Variants in AGFG1 observed in about 807,000 individuals in gnomAD.
The protein encoded by AGFG1 is ArfGAP with FG repeats 1, also known as arf-GAP domain and FG repeat-containing protein 1.
Under a neutral mutation model 60.6 loss-of-function variants are expected in AGFG1, and 10 were observed. That is an observed-to-expected ratio of 0.16 (90% CI 0.10 to 0.28). AGFG1 has a LOEUF of 0.28. Ranked by LOEUF, AGFG1 falls within the 10% of genes least tolerant of loss-of-function variation. The probability of loss-of-function intolerance (pLI) is 1.00; values close to 1 mark genes in which losing one functional copy is unlikely to be tolerated. For synonymous variants in AGFG1, 247 were observed against 242.9 expected (o/e 1.02, Z -0.16); for missense variants, 537 against 676.5 (o/e 0.79, Z 2.29).
At chr2:227,526,539 CT>C (rs777649930) in intron 5 of AGFG1, among the ~76,000 whole-genome samples, 12,521 of 92,330 alleles carry the variant, frequency 0.14, 465 homozygotes, top group East Asian at 0.18. Context: ...TGCCCAGCCT[CT>C]TTTTTTTTTT....
intron 5 of AGFG1, among the ~76,000 whole-genome samples, chr2:227,526,352 C>A (rs960238934): frequency 6.6e-6 from 1 of 151,962 alleles, no homozygotes; most frequent in Non-Finnish European, 1.5e-5. Flanking sequence ...TGCCACAGCA[C>A]CCGAAATTAT....
At chr2:227,553,346 A>C (rs1692878350) in intron 11 of AGFG1, among the ~76,000 whole-genome samples, 1 of 152,148 alleles carries the variant, frequency 6.6e-6, no homozygotes, top group Non-Finnish European at 1.5e-5. Context: ...AAATACAAAA[A>C]TTAGCTGGGC....
chr2:227,534,991 A>G lies in AGFG1; in HGVS notation c.1171A>G (p.Ser391Gly), dbSNP rs1273863250. 1.2e-6 allele frequency: 2 copies of G among 1,613,648 alleles called. No individual in the cohort carries two copies. Among genetic ancestry groups the G allele is most frequent in the African/African-American group, 1.3e-5 (1 of 74,920 alleles). ...CGTTTTCAGTTCTGCAGCCACCTCC[A>G]GTAATGCGTATACTTCCACAAGTAA... ...DSVFSSAATSSNAYTSTSNAS... is the reference protein window; with the variant it reads ...DSVFSSAATSGNAYTSTSNAS... The change falls in exon 8 of 13, where the codon AGT (serine) becomes GGT (glycine). Residue 391 changes from serine to glycine, a missense_variant. By Grantham distance (56) the Ser-to-Gly change is moderately conservative. Transcript: ENST00000310078.
rs1575120341 is a variant in AGFG1 at position 227,551,952 on chromosome 2, C to T, written c.1379-7C>T. ...TATGTAACTGATCAGCCCTTCTCTT[C>T]TGTCAGCGGCAACCTTTGGCACTGC... On this transcript the variant is annotated splice_polypyrimidine_tract_variant and splice_region_variant and intron_variant, in intron 10 of 12. Transcript: ENST00000310078. The T allele has an allele frequency of 6.2e-7, 1 of 1,613,490 alleles. No individual in the cohort carries two copies. The highest frequency in any genetic ancestry group is 2.2e-5 in the East Asian group (1 of 44,852).
chr2:227,537,896 C>G (rs1465464141), intron 10 of AGFG1, among the ~76,000 whole-genome samples: 5 of 152,100 alleles, frequency 3.3e-5, no homozygotes, highest in African/African-American at 1.2e-4. Context: ...ATCTCTTTGT[C>G]ATTGACAAGA....
At position 227,524,824 on chromosome 2, in the gene AGFG1, T is replaced by A; in HGVS notation, c.603T>A (p.Ser201Arg). 2 of 1,614,198 alleles carry A rather than the reference T, an allele frequency of 1.2e-6. No individual in the cohort carries two copies. Among genetic ancestry groups the A allele is most frequent in the Non-Finnish European group, 1.7e-6 (2 of 1,180,020 alleles). The stretch of plus-strand genomic sequence containing the variant: ...AGAAGAAGCAATTTGACCTTTTAAG[T>A]GATCTCGGCTCAGACATCTTTGCTG... The part of the protein sequence containing the change: ...QQEKKQFDLL[S>R]DLGSDIFAAP... Residue 201 changes from serine (S) to arginine (R), a missense_variant, in exon 5 of 13, where the codon AGT (serine) becomes AGA (arginine). Coordinates refer to ENST00000310078, the MANE Select transcript of AGFG1 (RefSeq NM_004504.5).
At position 227,555,669 on chromosome 2, in the gene AGFG1, A is replaced by G. The variant is rs1034644902; in HGVS notation, c.*1174A>G. ...GTTACGGAATACTTTGTTTTAAAGGAAAAGATAATAAGTTTAGTTATATCT... is the reference window on the plus strand; with the variant it reads ...GTTACGGAATACTTTGTTTTAAAGGGAAAGATAATAAGTTTAGTTATATCT... On this transcript the variant is annotated 3_prime_UTR_variant, in exon 13 of 13. Transcript: ENST00000310078. 6.6e-6 allele frequency: 1 copy of G among 152,588 alleles called. No individual in the cohort carries two copies. Among genetic ancestry groups the G allele is most frequent in the Non-Finnish European group, 1.5e-5 (1 of 68,012 alleles). The allele number at this position is 152,588 out of a possible 1,614,324, so 9.5% of individuals were successfully genotyped here.
At chr2:227,523,736 T>TA in intron 3 of AGFG1, 27 bp from the exon 4 acceptor site, 4 of 1,583,494 alleles carry the variant, frequency 2.5e-6, no homozygotes, top group Non-Finnish European at 3.4e-6. Context: ...CATTTTTTTT[T>TA]AGTTAACTGT....
At chr2:227,521,604 G>A (rs1233325883) in intron 3 of AGFG1, among the ~76,000 whole-genome samples, 1 of 152,184 alleles carries the variant, frequency 6.6e-6, no homozygotes, top group African/African-American at 2.4e-5. Context: ...ATTCTACCCT[G>A]TAGGAAAGAC....
At chr2:227,532,605 G>A (rs1692195349) in intron 6 of AGFG1, among the ~76,000 whole-genome samples, 1 of 151,902 alleles carries the variant, frequency 6.6e-6, no homozygotes, top group Non-Finnish European at 1.5e-5. Flanking sequence ...TTGATAGAAA[G>A]TGTTCGTGTT....
At chr2:227,524,698 A>G in intron 4 of AGFG1, 64 bp from the exon 5 acceptor site, 1 of 1,542,030 alleles carries the variant, frequency 6.5e-7, no homozygotes. Context: ...GTTTGCAGAT[A>G]GTTTTGTATA....
intron 2 of AGFG1, among the ~76,000 whole-genome samples, chr2:227,499,020 T>TA (rs1691066606): frequency 6.6e-6 from 1 of 150,744 alleles, no homozygotes; most frequent in Non-Finnish European, 1.5e-5. Context: ...GACAAGTAGA[T>TA]AATGTAACAA....
rs190623986 is a variant in AGFG1 at position 227,521,512 on chromosome 2, A to G, written c.377+1449A>G. ...AAATACTAGAAGGTGGGTTGGTAGT[A>G]AAAATATGGTAGCATAAATGATTCT... On this transcript the variant is annotated intron_variant, in intron 3 of 12. Transcript: ENST00000310078. 2.6e-4 allele frequency among the ~76,000 whole-genome samples: 40 copies of G among 152,388 alleles called. 1 individual carries two copies. The highest frequency in any genetic ancestry group is 1.7e-3 in the Admixed American group (26 of 15,308).
chr2:227,500,671 A>G (rs1691125471), intron 2 of AGFG1, among the ~76,000 whole-genome samples: 1 of 152,238 alleles, frequency 6.6e-6, no homozygotes, highest in South Asian at 2.1e-4. Context: ...GCCTCAGCAG[A>G]TATCTGTATC....
Position 227,539,678 on chromosome 2 carries a change from G to A in AGFG1, c.1378+2685G>A, listed in dbSNP as rs192749117. Among the ~76,000 whole-genome samples the A allele has an allele frequency of 2.3e-4, 30 of 131,874 alleles. No homozygotes were observed. The East Asian group carries it at 4.5e-3, about 20-fold the overall frequency. 86.5% of individuals were successfully genotyped at this position (131,874 alleles called of 152,430 possible). ...GAGGATTACCTGAGCCTAGGAGGTC[G>A]AAATTACAGTGAACTGTGATTGCGC... On this transcript the variant is annotated intron_variant, in intron 10 of 12. Coordinates refer to ENST00000310078, the MANE Select transcript of AGFG1 (RefSeq NM_004504.5).
intron 1 of AGFG1, among the ~76,000 whole-genome samples, chr2:227,476,146 A>C (rs1690274811): frequency 6.6e-6 from 1 of 152,170 alleles, no homozygotes; most frequent in Non-Finnish European, 1.5e-5. Flanking sequence ...TAAAACTTTA[A>C]AATGAACTTC....
intron 10 of AGFG1, among the ~76,000 whole-genome samples, chr2:227,541,020 T>C (rs1195532639): frequency 6.6e-6 from 1 of 152,242 alleles, no homozygotes; most frequent in Non-Finnish European, 1.5e-5. Flanking sequence ...GTTCATATCC[T>C]TCGCCCACTT....
chr2:227,484,677 GTTTTTT>G (rs34405103), intron 1 of AGFG1, among the ~76,000 whole-genome samples: 2 of 115,908 alleles, frequency 1.7e-5, no homozygotes, highest in East Asian at 2.5e-4. Flanking sequence ...AGATCTCTTA[GTTTTTT>G]TTTTGTTTTT....
chr2:227,482,243 A>G (rs1359966239), intron 1 of AGFG1, among the ~76,000 whole-genome samples: 1 of 152,170 alleles, frequency 6.6e-6, no homozygotes, highest in Non-Finnish European at 1.5e-5. Context: ...TGCTTGCTCT[A>G]AGTGTTACAA....
Sources: allele counts gnomAD v4.1 joint callset (sites outside exome capture counted in the v4.1 genomes callset), GRCh38; gene constraint gnomAD v4.1.1; transcripts MANE v1.5; gene names NCBI Gene and HGNC (gene_info 2026-07-23, HGNC 2026-07-21).